Variants in ADK observed in about 807,000 individuals in gnomAD.
ADK encodes the protein adenosine kinase, also known as N6,N6-dimethyladenosine kinase.
ADK carries 24 observed loss-of-function variants against 44.7 expected under a neutral mutation model. The observed-to-expected ratio is 0.54, with a 90% CI of 0.39 to 0.76. ADK has a LOEUF of 0.76. Among genes scored for constraint, ADK ranks in the 30% least tolerant of loss-of-function variants. The pLI, the probability that ADK is intolerant of heterozygous loss-of-function variation, is 0.00. For synonymous variants in ADK, 128 were observed against 142.6 expected (o/e 0.90, Z 0.73); for missense variants, 321 against 425.1 (o/e 0.76, Z 2.15).
chr10:74,152,732 T>C, intron 1 of ADK, among the ~76,000 whole-genome samples: 1 of 152,194 alleles, frequency 6.6e-6, no homozygotes, highest in East Asian at 1.9e-4. Context: ...ATTTTACAAT[T>C]GAAGATATTG....
intron 6 of ADK, among the ~76,000 whole-genome samples, chr10:74,404,734 C>T (rs1273553977): frequency 6.6e-6 from 1 of 152,122 alleles, no homozygotes; most frequent in Non-Finnish European, 1.5e-5. Flanking sequence ...CACCTGTAAT[C>T]CCAGTGCTTT....
chr10:74,476,773 A>G (rs1045391003), intron 6 of ADK, among the ~76,000 whole-genome samples: 4 of 152,206 alleles, frequency 2.6e-5, no homozygotes, highest in African/African-American at 9.6e-5. Context: ...AGAAACCTAA[A>G]ATATTGCTCC....
Position 74,247,224 on chromosome 10 carries a change from GTTTT to G in ADK, c.194+22654_194+22657del, listed in dbSNP as rs142274121. ...CTTTTTTTGATTTTTTTTTTTTTAA[GTTTT>G]TTTTTTTTTTTTTTTTTTTTGAGAC... On this transcript the variant is annotated intron_variant, in intron 3 of 10. Coordinates refer to ENST00000539909, the MANE Select transcript of ADK (RefSeq NM_006721.4). Among the ~76,000 whole-genome samples, 97 of 72,000 alleles carry G rather than the reference GTTTT, an allele frequency of 1.3e-3. 1 individual carries two copies. Among genetic ancestry groups the G allele is most frequent in the East Asian group, 5.5e-3 (12 of 2,198 alleles). 47.2% of individuals were successfully genotyped at this position (72,000 alleles called of 152,430 possible).
chr10:74,469,899 T>C (rs1330218164), intron 6 of ADK, among the ~76,000 whole-genome samples: 1 of 152,212 alleles, frequency 6.6e-6, no homozygotes, highest in Non-Finnish European at 1.5e-5. Flanking sequence ...TGGCTTTTTA[T>C]GGCTGGCTTA....
intron 7 of ADK, among the ~76,000 whole-genome samples, chr10:74,587,817 A>C (rs1261063864): frequency 6.6e-6 from 1 of 151,894 alleles, no homozygotes; most frequent in East Asian, 1.9e-4. Context: ...TCCTAAAATT[A>C]AAGTATAAGC....
intron 7 of ADK, among the ~76,000 whole-genome samples, chr10:74,552,239 T>C (rs1850060849): frequency 6.6e-6 from 1 of 152,140 alleles, no homozygotes; most frequent in Non-Finnish European, 1.5e-5. Flanking sequence ...CCCTTTCCAC[T>C]GATTATATTG....
In ADK at chr10:74,423,845, C is replaced by T. The variant is rs190008380; in HGVS notation, c.555+25266C>T. On this transcript the variant is annotated intron_variant, in intron 6 of 10. Transcript: ENST00000539909. ...CAGATCTCAAACTTGACTATTGTGTCGTCTAAGCAGACAGTCTGTGTAAGG... is the reference window on the plus strand; with the variant it reads ...CAGATCTCAAACTTGACTATTGTGTTGTCTAAGCAGACAGTCTGTGTAAGG... 405 of 282,782 alleles carry T rather than the reference C, an allele frequency of 1.4e-3. 2 individuals are homozygous for T. Among genetic ancestry groups the T allele is most frequent in the African/African-American group, 8.6e-3 (380 of 44,324 alleles). The allele number at this position is 282,782 out of a possible 1,614,324, so 17.5% of individuals were successfully genotyped here. A position where few individuals can be genotyped will look rare whatever the true frequency, so the allele number is the denominator to read the frequency against.
chr10:74,336,813 T>C (rs1278467375), intron 4 of ADK, among the ~76,000 whole-genome samples: 4 of 152,164 alleles, frequency 2.6e-5, no homozygotes, highest in African/African-American at 9.7e-5. Context: ...TTATAATACC[T>C]AATACACTAT....
At chr10:74,170,772 C>T (rs2132054244) in intron 1 of ADK, among the ~76,000 whole-genome samples, 1 of 148,230 alleles carries the variant, frequency 6.7e-6, no homozygotes. Context: ...TGCACTCCAG[C>T]CTGGGCGACA....
chr10:74,303,375 T>C (rs1293638016), intron 3 of ADK, among the ~76,000 whole-genome samples: 2 of 152,100 alleles, frequency 1.3e-5, no homozygotes, highest in African/African-American at 4.8e-5. Flanking sequence ...TTCTATTCAA[T>C]AGGATTAAAA....
intron 3 of ADK, among the ~76,000 whole-genome samples, chr10:74,279,110 C>T (rs934816524): frequency 2.0e-5 from 3 of 151,340 alleles, no homozygotes; most frequent in Admixed American, 6.6e-5. Context: ...GAAACCTCAT[C>T]TCTCCTAAAA....
intron 7 of ADK, among the ~76,000 whole-genome samples, chr10:74,557,312 A>G (rs1850290402): frequency 6.6e-6 from 1 of 152,166 alleles, no homozygotes; most frequent in Non-Finnish European, 1.5e-5. Flanking sequence ...CTACCCTTTC[A>G]TCTCAGTTAT....
chr10:74,244,827 C>T (rs1845353201), intron 3 of ADK, among the ~76,000 whole-genome samples: 1 of 152,128 alleles, frequency 6.6e-6, no homozygotes. Context: ...AGAGGGCAAA[C>T]TATGTGGTAC....
chr10:74,391,464 TTC>T lies in ADK; in HGVS notation c.274-2675_274-2674del, dbSNP rs1460911648. Among the ~76,000 whole-genome samples, 8 of 152,156 alleles carry T rather than the reference TTC, an allele frequency of 5.3e-5. No homozygotes were observed. The South Asian group carries it at 1.2e-3, about 24-fold the overall frequency. On this transcript the variant is annotated intron_variant, in intron 4 of 10. Coordinates refer to ENST00000539909, the MANE Select transcript of ADK (RefSeq NM_006721.4). ...GCATTTTTCATTTCTAGTTTATTCT[TTC>T]TGTGTTTCTTTTTATAAAATTAGCA... is the stretch of plus-strand genomic sequence containing the variant.
At chr10:74,340,908 A>G (rs544589533) in intron 4 of ADK, among the ~76,000 whole-genome samples, 1 of 152,344 alleles carries the variant, frequency 6.6e-6, no homozygotes, top group Admixed American at 6.5e-5. Context: ...TTATTGGAAC[A>G]TTGGAACATT....
intron 7 of ADK, among the ~76,000 whole-genome samples, chr10:74,536,126 A>G (rs1849441105): frequency 6.6e-6 from 1 of 151,942 alleles, no homozygotes; most frequent in South Asian, 2.1e-4. Flanking sequence ...TTTTTTCCAC[A>G]TTCTAAGATT....
intron 6 of ADK, among the ~76,000 whole-genome samples, chr10:74,425,114 G>T (rs1231127692): frequency 6.6e-6 from 1 of 152,148 alleles, no homozygotes; most frequent in Non-Finnish European, 1.5e-5. Flanking sequence ...TCCAAAGAGA[G>T]TATTTACATT....
chr10:74,477,780 T>C (rs776742009), intron 6 of ADK, among the ~76,000 whole-genome samples: 1 of 152,206 alleles, frequency 6.6e-6, no homozygotes, highest in Non-Finnish European at 1.5e-5. Flanking sequence ...ACCAAACATA[T>C]TCTCCTCCCT....
rs557669817 is a variant in ADK, at chr10:74,442,895, G to A, written c.555+44316G>A. 6.6e-5 allele frequency among the ~76,000 whole-genome samples: 10 copies of A among 152,228 alleles called. No individual in the cohort carries two copies. In the South Asian group the frequency reaches 2.1e-3, roughly 32 times the overall value. On this transcript the variant is annotated intron_variant, in intron 6 of 10. Coordinates refer to ENST00000539909, the MANE Select transcript of ADK (RefSeq NM_006721.4). ...GTGAACCTGCAGGACATTATGCTAA[G>A]TGAAATAGGCCAGACACAAAAATAT...
Sources: allele counts gnomAD v4.1 joint callset (sites outside exome capture counted in the v4.1 genomes callset), GRCh38; gene constraint gnomAD v4.1.1; transcripts MANE v1.5; gene names NCBI Gene and HGNC (gene_info 2026-07-23, HGNC 2026-07-21).